ARHGEF4: variants seen among roughly 807,000 people sequenced by gnomAD.
The protein encoded by ARHGEF4 is Rho guanine nucleotide exchange factor 4, also known as APC-stimulated guanine nucleotide exchange factor 1.
Under a neutral mutation model 162.0 loss-of-function variants are expected in ARHGEF4, and 119 were observed. The observed-to-expected ratio is 0.73, with a 90% CI of 0.63 to 0.86. The LOEUF (loss-of-function observed/expected upper bound fraction) is 0.86, where lower values mean the gene tolerates loss of function less well. Among genes scored for constraint, ARHGEF4 ranks in the 40% least tolerant of loss-of-function variants. The pLI, the probability that ARHGEF4 is intolerant of heterozygous loss-of-function variation, is 0.00. For synonymous variants in ARHGEF4, 1,014 were observed against 979.9 expected (o/e 1.03, Z -0.65); for missense variants, 2,488 against 2,456.0 (o/e 1.01, Z -0.28).
intron 5 of ARHGEF4, among the ~76,000 whole-genome samples, chr2:131,032,916 A>C (rs1328409101): frequency 3.6e-5 from 5 of 139,764 alleles, no homozygotes; most frequent in African/African-American, 1.4e-4. Context: ...ACAGAAGCAT[A>C]ATCTTGGCTC....
Position 131,046,070 on chromosome 2 carries a change from AAGCACCCAGCCCTGCCC to A in ARHGEF4, c.5517_5533del (p.His1839GlnfsTer97). 1.9e-6 allele frequency: 3 copies of A among 1,612,440 alleles called. No individual in the cohort carries two copies. The highest frequency in any genetic ancestry group is 2.5e-6 in the Non-Finnish European group (3 of 1,179,508). On this transcript the variant is annotated frameshift_variant, in exon 14 of 14. Coordinates refer to ENST00000409359, the MANE Select transcript of ARHGEF4 (RefSeq NM_001367493.1). LOFTEE classifies it high-confidence loss of function. ...CCGGCCCTGCTACCTGACGCGCCAG[AAGCACCCAGCCCTGCCC>A]AGCAACCGGCCCCAGCAGCAGGTCC... is the stretch of plus-strand genomic sequence containing the variant.
At chr2:130,869,404 C>G (rs952047484) in intron 1 of ARHGEF4, among the ~76,000 whole-genome samples, 2 of 152,192 alleles carry the variant, frequency 1.3e-5, no homozygotes, top group Admixed American at 1.3e-4. Context: ...GGGTCTCTGC[C>G]TTCATCAGCT....
chr2:130,992,889 G>A (rs1303300150), intron 4 of ARHGEF4, among the ~76,000 whole-genome samples: 1 of 152,182 alleles, frequency 6.6e-6, no homozygotes, highest in African/African-American at 2.4e-5. Context: ...TTCGAGACCA[G>A]CCTGGCCAGC....
chr2:130,998,708 C>T (rs1558829645), intron 4 of ARHGEF4, among the ~76,000 whole-genome samples: 1 of 152,170 alleles, frequency 6.6e-6, no homozygotes. Context: ...GTTTGTTTAT[C>T]CATTCACCTA....
chr2:131,011,063 T>C (rs528657574), intron 4 of ARHGEF4, among the ~76,000 whole-genome samples: 1 of 152,352 alleles, frequency 6.6e-6, no homozygotes, highest in South Asian at 2.1e-4. Flanking sequence ...CTGCTGCCAT[T>C]TTCTCTCTGA....
chr2:131,031,320 G>A (rs1689835611), intron 5 of ARHGEF4, among the ~76,000 whole-genome samples: 1 of 152,236 alleles, frequency 6.6e-6, no homozygotes, highest in South Asian at 2.1e-4. Flanking sequence ...GGCCCACTCG[G>A]GGCAGAGCCG....
chr2:131,013,021 A>G (rs1173551832), intron 4 of ARHGEF4, among the ~76,000 whole-genome samples: 3 of 152,224 alleles, frequency 2.0e-5, no homozygotes, highest in Admixed American at 2.0e-4. Context: ...CTGGTTCAAG[A>G]AACCCTAATC....
intron 4 of ARHGEF4, among the ~76,000 whole-genome samples, chr2:130,963,340 T>C (rs1039293056): frequency 1.3e-5 from 2 of 151,306 alleles, no homozygotes; most frequent in East Asian, 2.0e-4. Flanking sequence ...CTGAGCGCGC[T>C]CCCCCCGCCG....
rs148383834 is a variant in ARHGEF4, at chr2:130,903,675, A to G, written c.40-10311A>G. 9.7e-4 allele frequency among the ~76,000 whole-genome samples: 147 copies of G among 152,290 alleles called. 2 individuals are homozygous for G. Among genetic ancestry groups the G allele is most frequent in the African/African-American group, 3.3e-3 (139 of 41,566 alleles). On this transcript the variant is annotated intron_variant, in intron 1 of 13. Coordinates refer to ENST00000409359, the MANE Select transcript of ARHGEF4 (RefSeq NM_001367493.1). ...GTAGTGAACATGGTACCCAATAGGT[A>G]GTTTTCAACCCTTGCTCCTCTCCCC...
intron 1 of ARHGEF4, among the ~76,000 whole-genome samples, chr2:130,892,885 A>G (rs1051297308): frequency 6.6e-6 from 1 of 152,198 alleles, no homozygotes; most frequent in African/African-American, 2.4e-5. Context: ...CCTGGGGTCC[A>G]CAAGGGCTTC....
chr2:131,013,185 A>T (rs181722424), intron 4 of ARHGEF4, among the ~76,000 whole-genome samples: 150 of 152,322 alleles, frequency 9.8e-4, no homozygotes, highest in African/African-American at 3.4e-3. Flanking sequence ...TCAGGAGCAG[A>T]TTCAACCTAA....
At chr2:130,962,949 C>T (rs546360490) in intron 4 of ARHGEF4, among the ~76,000 whole-genome samples, 1 of 152,258 alleles carries the variant, frequency 6.6e-6, no homozygotes, top group Non-Finnish European at 1.5e-5. Context: ...CATTTCATAT[C>T]CTGACTTGTC....
chr2:131,022,550 A>C (rs1261812266), intron 4 of ARHGEF4, among the ~76,000 whole-genome samples: 1 of 152,088 alleles, frequency 6.6e-6, no homozygotes, highest in South Asian at 2.1e-4. Flanking sequence ...TACAAAAGCA[A>C]TTCGGTGGAG....
At chr2:130,963,902 G>GC (rs1684801149) in intron 4 of ARHGEF4, 1 of 146,756 alleles carries the variant, frequency 6.8e-6, no homozygotes, top group South Asian at 1.8e-4. Flanking sequence ...CATGATGTCA[G>GC]CCGGCCCGCA....
In ARHGEF4 at chr2:130,943,615, A is replaced by C. The variant is rs866198567; in HGVS notation, c.3859-2894A>C. Among the ~76,000 whole-genome samples, 35 of 151,942 alleles carry C rather than the reference A, an allele frequency of 2.3e-4. No homozygotes were observed. The Middle Eastern group carries it at 0.01, about 45-fold the overall frequency. On this transcript the variant is annotated intron_variant, in intron 3 of 13. Transcript: ENST00000409359. ...TTTCTTTGTATAGGTTTTTTTAGTA[A>C]CTCTAGGAATTAACATACATTCTTA... is the stretch of plus-strand genomic sequence containing the variant.
rs1238839963 is a variant in ARHGEF4, at chr2:130,975,051, G to A, written c.3985+28416G>A. On this transcript the variant is annotated intron_variant, in intron 4 of 13. Transcript: ENST00000409359. ...TGTAAAGCTCTTTTTTAAGAGCAGCGTCTGTGACCCCCAGGGGTTGCCTTG... is the reference window on the plus strand; with the variant it reads ...TGTAAAGCTCTTTTTTAAGAGCAGCATCTGTGACCCCCAGGGGTTGCCTTG... Among the ~76,000 whole-genome samples, 12 of 151,514 alleles carry A rather than the reference G, an allele frequency of 7.9e-5. No individual in the cohort carries two copies. The South Asian group carries it at 1.0e-3, about 13-fold the overall frequency.
At chr2:130,987,162 T>A (rs1483872000) in intron 4 of ARHGEF4, among the ~76,000 whole-genome samples, 2 of 152,156 alleles carry the variant, frequency 1.3e-5, no homozygotes, top group African/African-American at 4.8e-5. Flanking sequence ...CACTGCCTGG[T>A]ACCACACACC....
rs551400399 is a variant in ARHGEF4, at chr2:131,034,678, C to T, written c.4126-4175C>T. ...CCCTCCCCAAAGCGCCGGTGCCAGG[C>T]GTTTTGGCCTCTGTATCTCTGAAAC... On this transcript the variant is annotated intron_variant, in intron 5 of 13. Coordinates refer to ENST00000409359, the MANE Select transcript of ARHGEF4 (RefSeq NM_001367493.1). Among the ~76,000 whole-genome samples the T allele has an allele frequency of 2.2e-4, 33 of 152,326 alleles. 1 individual carries two copies. The highest frequency in any genetic ancestry group is 7.5e-4 in the African/African-American group (31 of 41,584).
At position 130,836,947 on chromosome 2, in the gene ARHGEF4, G is replaced by C. The variant is rs1469492935; in HGVS notation, c.-7G>C. On this transcript the variant is annotated 5_prime_UTR_variant, in exon 1 of 14. Transcript: ENST00000409359. ...GCGGCCGGGCTCCGGGCGTCCCGGCGGCCACCATGCTCAGCGTCGTGCACT... is the reference window on the plus strand; with the variant it reads ...GCGGCCGGGCTCCGGGCGTCCCGGCCGCCACCATGCTCAGCGTCGTGCACT... 1 of 1,225,674 alleles carries C rather than the reference G, an allele frequency of 8.2e-7. No homozygotes were observed. The highest frequency in any genetic ancestry group is 1.0e-6 in the Non-Finnish European group (1 of 984,074). The allele number at this position is 1,225,674 out of a possible 1,614,324, so 75.9% of individuals were successfully genotyped here.
Sources: allele counts gnomAD v4.1 joint callset (sites outside exome capture counted in the v4.1 genomes callset), GRCh38; gene constraint gnomAD v4.1.1; transcripts MANE v1.5; gene names NCBI Gene and HGNC (gene_info 2026-07-23, HGNC 2026-07-21).